KAZN: variants seen among roughly 807,000 people sequenced by gnomAD.
KAZN encodes the protein kazrin, periplakin interacting protein.
KAZN carries 40 observed loss-of-function variants against 87.4 expected under a neutral mutation model. The ratio of observed to expected loss-of-function variants is 0.46; its 90% confidence interval spans 0.36 to 0.60. The LOEUF is 0.60. Among genes scored for constraint, KAZN ranks in the 20% least tolerant of loss-of-function variants. The probability of loss-of-function intolerance (pLI) is 0.00; values close to 1 mark genes in which losing one functional copy is unlikely to be tolerated. For synonymous variants in KAZN, 466 were observed against 458.3 expected (o/e 1.02, Z -0.22); for missense variants, 898 against 1,073.9 (o/e 0.84, Z 2.29).
At chr1:14,989,554 C>T (rs1667154023) in intron 2 of KAZN, among the ~76,000 whole-genome samples, 1 of 152,216 alleles carries the variant, frequency 6.6e-6, no homozygotes, top group Admixed American at 6.5e-5. Flanking sequence ...GGAGGCAGTA[C>T]ATTGGAGGGG....
At chr1:14,935,850 TG>T (rs1265890525) in intron 1 of KAZN, among the ~76,000 whole-genome samples, 5 of 152,174 alleles carry the variant, frequency 3.3e-5, no homozygotes, top group Non-Finnish European at 7.3e-5. Flanking sequence ...ACAGCCCTAA[TG>T]GTGATGTTGG....
At chr1:14,677,511 A>G (rs1029475429) in intron 1 of KAZN, among the ~76,000 whole-genome samples, 1 of 152,030 alleles carries the variant, frequency 6.6e-6, no homozygotes, top group Admixed American at 6.6e-5. Context: ...GTGGACTCCA[A>G]GAATTCTGAG....
intron 2 of KAZN, among the ~76,000 whole-genome samples, chr1:14,985,027 TCAGGAG>T (rs1392561812): frequency 6.6e-6 from 1 of 151,636 alleles, no homozygotes; most frequent in Non-Finnish European, 1.5e-5. Flanking sequence ...TCCCAGCTAC[TCAGGAG>T]GCTGAAGCAG....
Position 13,904,561 on chromosome 1 carries a change from G to A in KAZN, c.91+10805G>A, listed in dbSNP as rs372802688. ...TCAGCTGGATATAGATTTCTAAGTT[G>A]AGTTATTTTCTCTCAACATTTTGGA... On this transcript the variant is annotated intron_variant, in intron 1 of 16. Transcript: ENST00000636203. 2.8e-4 allele frequency among the ~76,000 whole-genome samples: 43 copies of A among 152,268 alleles called. No individual in the cohort carries two copies. In the South Asian group the frequency reaches 8.3e-3, roughly 29 times the overall value.
At chr1:14,628,863 T>A (rs530550546) in intron 1 of KAZN, among the ~76,000 whole-genome samples, 1,950 of 139,688 alleles carry the variant, frequency 0.014, 47 homozygotes, top group African/African-American at 0.052. Flanking sequence ...TTTTTTTTTT[T>A]ATAGATGGAG....
chr1:14,116,192 TG>T (rs1024641385), intron 1 of KAZN, among the ~76,000 whole-genome samples: 3 of 152,124 alleles, frequency 2.0e-5, no homozygotes, highest in African/African-American at 7.2e-5. Flanking sequence ...AGGAACCAAT[TG>T]TTAATCCCTG....
intron 2 of KAZN, among the ~76,000 whole-genome samples, chr1:14,343,379 T>C (rs1220115986): frequency 6.6e-6 from 1 of 152,162 alleles, no homozygotes; most frequent in Non-Finnish European, 1.5e-5. Flanking sequence ...CACAAATAAA[T>C]GGAGATTACT....
At chr1:14,484,886 T>C (rs1472613479) in intron 2 of KAZN, among the ~76,000 whole-genome samples, 1 of 152,214 alleles carries the variant, frequency 6.6e-6, no homozygotes, top group East Asian at 1.9e-4. Flanking sequence ...CCAAAATGCT[T>C]TGTCAAACTT....
intron 1 of KAZN, among the ~76,000 whole-genome samples, chr1:13,907,052 G>T (rs1392921386): frequency 6.6e-6 from 1 of 152,222 alleles, no homozygotes; most frequent in African/African-American, 2.4e-5. Context: ...TTAGCTCAGA[G>T]AAAAGAAATA....
chr1:14,127,431 C>A (rs1486266534), intron 1 of KAZN, among the ~76,000 whole-genome samples: 2 of 132,922 alleles, frequency 1.5e-5, no homozygotes, highest in African/African-American at 5.7e-5. Flanking sequence ...AGTGTGTGTT[C>A]TGTGCAATAT....
chr1:15,016,479 T>A (rs1324131985), intron 2 of KAZN, among the ~76,000 whole-genome samples: 1 of 151,488 alleles, frequency 6.6e-6, no homozygotes, highest in African/African-American at 2.4e-5. Flanking sequence ...ACAGACAGAG[T>A]TTCACCATGT....
chr1:15,044,270 G>GGCCC, intron 4 of KAZN, 111 bp downstream of exon 4: 2 of 413,332 alleles, frequency 4.8e-6, no homozygotes, highest in Non-Finnish European at 8.4e-6. Flanking sequence ...GGTGGGTGGG[G>GGCCC]CAGAGCAGAA....
At chr1:14,665,291 C>CTT (rs36089759) in intron 1 of KAZN, among the ~76,000 whole-genome samples, 64 of 147,910 alleles carry the variant, frequency 4.3e-4, no homozygotes, top group Non-Finnish European at 7.2e-4. Context: ...GTGGCTGCCT[C>CTT]TTTTTTTTTT....
At chr1:15,110,733 GA>G (rs1641577465) in intron 13 of KAZN, among the ~76,000 whole-genome samples, 3 of 152,256 alleles carry the variant, frequency 2.0e-5, no homozygotes, top group Non-Finnish European at 4.4e-5. Context: ...CCCAAAGTGG[GA>G]AGGCCGTGGT....
chr1:14,237,145 G>A (rs1648500532), intron 2 of KAZN, among the ~76,000 whole-genome samples: 1 of 152,126 alleles, frequency 6.6e-6, no homozygotes, highest in Non-Finnish European at 1.5e-5. Flanking sequence ...TTTAAGGGAG[G>A]AGGAGTGGCG....
chr1:14,255,898 A>T (rs750680600), intron 2 of KAZN, among the ~76,000 whole-genome samples: 1 of 152,206 alleles, frequency 6.6e-6, no homozygotes, highest in Non-Finnish European at 1.5e-5. Context: ...CTGCTGTGTT[A>T]TGCTGCCTGG....
intron 2 of KAZN, among the ~76,000 whole-genome samples, chr1:14,579,890 T>C (rs1675434300): frequency 6.6e-6 from 1 of 151,992 alleles, no homozygotes; most frequent in East Asian, 1.9e-4. Flanking sequence ...GAGAACCCAG[T>C]GTGAGGCTGC....
intron 2 of KAZN, among the ~76,000 whole-genome samples, chr1:14,403,531 T>A (rs1173734645): frequency 6.6e-5 from 10 of 152,092 alleles, no homozygotes; most frequent in Admixed American, 6.6e-4. Context: ...TGAATTAGTA[T>A]CTAGAATATA....
chr1:14,331,998 T>C (rs1236044036), intron 2 of KAZN, among the ~76,000 whole-genome samples: 3 of 152,172 alleles, frequency 2.0e-5, no homozygotes, highest in Admixed American at 6.5e-5. Context: ...AGTTCTGGAG[T>C]TGACAGAGTT....
Sources: gnomAD v4.1 joint callset for allele counts (sites outside exome capture counted in the v4.1 genomes callset) on GRCh38, gnomAD v4.1.1 for gene constraint, MANE v1.5 for transcripts, NCBI Gene and HGNC (gene_info 2026-07-23, HGNC 2026-07-21) for gene names.